Variants in SOD2 observed in about 807,000 individuals in gnomAD.
SOD2 encodes the protein superoxide dismutase 2, also known as superoxide dismutase [Mn], mitochondrial.
SOD2 carries 11 observed loss-of-function variants against 27.0 expected under a neutral mutation model. That is an observed-to-expected ratio of 0.41 (90% confidence interval 0.26 to 0.67). The LOEUF (loss-of-function observed/expected upper bound fraction) is 0.67. SOD2 is among the 30% of genes least tolerant of loss of function. The pLI, the probability that SOD2 is intolerant of heterozygous loss-of-function variation, is 0.34. For missense variants in SOD2, 250 were observed against 274.5 expected (o/e 0.91, Z 0.63); for synonymous variants, 105 against 103.0 (o/e 1.02, Z -0.12).
At chr6:159,752,931 C>CT (rs1459425398) in intron 1 of SOD2, among the ~76,000 whole-genome samples, 1 of 152,174 alleles carries the variant, frequency 6.6e-6, no homozygotes, top group Non-Finnish European at 1.5e-5. Context: ...GAGTTGGAGT[C>CT]TATGTTGCCC....
chr6:159,718,847 G>C (rs977049236), intron 1 of SOD2, among the ~76,000 whole-genome samples: 1 of 152,202 alleles, frequency 6.6e-6, no homozygotes. Context: ...CAGGCAGAAA[G>C]AATGGACTCA....
intron 1 of SOD2, among the ~76,000 whole-genome samples, chr6:159,721,961 C>G (rs1330659886): frequency 6.6e-6 from 1 of 151,882 alleles, no homozygotes; most frequent in Non-Finnish European, 1.5e-5. Flanking sequence ...AGGTTTGCAT[C>G]ATGGTTATTG....
At chr6:159,741,051 T>A (rs1779228093) in intron 1 of SOD2, among the ~76,000 whole-genome samples, 1 of 152,230 alleles carries the variant, frequency 6.6e-6, no homozygotes. Context: ...GATTATAAAA[T>A]GGTTTTCTAA....
intron 1 of SOD2, among the ~76,000 whole-genome samples, chr6:159,738,082 A>AT (rs1217886292): frequency 6.6e-6 from 1 of 152,218 alleles, no homozygotes. Context: ...GCTTATTCAC[A>AT]TTTCACGTTA....
At chr6:159,722,995 T>C (rs1439118499) in intron 1 of SOD2, among the ~76,000 whole-genome samples, 1 of 152,194 alleles carries the variant, frequency 6.6e-6, no homozygotes, top group African/African-American at 2.4e-5. Context: ...ACCAAGACCA[T>C]AGGATGCCAA....
chr6:159,753,067 AC>A (rs2114957438), intron 1 of SOD2, among the ~76,000 whole-genome samples: 1 of 152,336 alleles, frequency 6.6e-6, no homozygotes, highest in African/African-American at 2.4e-5. Flanking sequence ...TGTTGCATGT[AC>A]CTTTTCAAGA....
intron 1 of SOD2, among the ~76,000 whole-genome samples, chr6:159,702,677 AAAGAAAG>A (rs1777545507): frequency 7.0e-6 from 1 of 142,444 alleles, no homozygotes; most frequent in African/African-American, 2.7e-5. Flanking sequence ...AAAAAAAAAA[AAAGAAAG>A]AAAGAAAGAA....
intron 2 of SOD2, chr6:159,691,552 A>C (rs2758339): frequency 0.43 from 65,897 of 151,972 alleles, 15,028 homozygotes; most frequent in Admixed American, 0.51. Context: ...CAATACAGAG[A>C]GTCTAAAAAA....
At chr6:159,725,768 T>A (rs1456043737) in intron 1 of SOD2, 2 of 151,686 alleles carry the variant, frequency 1.3e-5, no homozygotes, top group Non-Finnish European at 2.9e-5. Context: ...TAAATATAAA[T>A]ATATATTTTT....
intron 1 of SOD2, among the ~76,000 whole-genome samples, chr6:159,709,725 TAGAA>T (rs1777694718): frequency 6.6e-6 from 1 of 152,144 alleles, no homozygotes; most frequent in Admixed American, 6.6e-5. Context: ...CTCAGGGATC[TAGAA>T]CTAGAAATAC....
At position 159,681,042 on chromosome 6, in the gene SOD2, T is replaced by G. The variant is rs944472103; in HGVS notation, c.*1451A>C. 2 of 151,420 alleles carry G rather than the reference T, an allele frequency of 1.3e-5. No homozygotes were observed. Among genetic ancestry groups the G allele is most frequent in the African/African-American group, 4.8e-5 (2 of 41,260 alleles). The allele number at this position is 151,420 out of a possible 1,614,324, so 9.4% of individuals were successfully genotyped here. ...CCCCAGCATTATCTGTAGTAACAAT[T>G]AGAAACAAATGAAATATTCAAAAAC... is the stretch of plus-strand genomic sequence containing the variant. On this transcript the variant is annotated 3_prime_UTR_variant, in exon 5 of 5. Transcript: ENST00000538183.
At chr6:159,720,067 G>A (rs997835623) in intron 1 of SOD2, among the ~76,000 whole-genome samples, 6 of 147,402 alleles carry the variant, frequency 4.1e-5, no homozygotes, top group Admixed American at 6.8e-5. Context: ...GTCTCACTCC[G>A]TCTCCCAGGC....
intron 1 of SOD2, among the ~76,000 whole-genome samples, chr6:159,737,012 A>G (rs1211824064): frequency 6.6e-6 from 1 of 152,216 alleles, no homozygotes; most frequent in African/African-American, 2.4e-5. Context: ...TTATGCTTTC[A>G]TAATCTGAGA....
upstream of SOD2, chr6:159,727,571 G>A: frequency 2.0e-6 from 2 of 987,676 alleles, no homozygotes; most frequent in South Asian, 9.1e-5. Context: ...GTTGCGGCGG[G>A]ACTAGGAGCG....
At chr6:159,692,495 A>C in intron 2 of SOD2, 166 bp downstream of exon 2, 1 of 1,453,640 alleles carries the variant, frequency 6.9e-7, no homozygotes, top group Non-Finnish European at 9.1e-7. Flanking sequence ...TTCTACAATG[A>C]GGTAGACCAT....
upstream of SOD2, chr6:159,727,668 C>T (rs1372472918): frequency 1.3e-5 from 13 of 984,580 alleles, no homozygotes; most frequent in Non-Finnish European, 1.6e-5. Flanking sequence ...TCGGCCTATG[C>T]GACCGGTGGC....
intron 2 of SOD2, 75 bp downstream of exon 2, chr6:159,692,586 C>T (rs1361148315): frequency 3.8e-6 from 6 of 1,592,262 alleles, no homozygotes; most frequent in Non-Finnish European, 5.1e-6. Context: ...ACGGAGAGGC[C>T]CGTCCGTATG....
upstream of SOD2, among the ~76,000 whole-genome samples, chr6:159,731,403 G>C (rs190503285): frequency 4.3e-3 from 650 of 152,220 alleles, 5 homozygotes; most frequent in Non-Finnish European, 6.4e-3. Flanking sequence ...AAGAGATGGA[G>C]GCTGCAGTGA....
chr6:159,700,947 C>T (rs906033784), intron 1 of SOD2, among the ~76,000 whole-genome samples: 2 of 151,870 alleles, frequency 1.3e-5, no homozygotes, highest in East Asian at 1.9e-4. Flanking sequence ...TGTAGGATCT[C>T]GGCTTTTAGA....
Sources: gnomAD v4.1 joint callset for allele counts (sites outside exome capture counted in the v4.1 genomes callset) on GRCh38, gnomAD v4.1.1 for gene constraint, MANE v1.5 for transcripts, NCBI Gene and HGNC (gene_info 2026-07-23, HGNC 2026-07-21) for gene names.